Variants in SLC9A9 observed in about 807,000 individuals in gnomAD.
SLC9A9 encodes sodium/hydrogen exchanger 9.
A neutral mutation model predicts 77.8 loss-of-function variants in SLC9A9; 62 were observed. The observed-to-expected ratio is 0.80, with a 90% confidence interval of 0.65 to 0.98. The LOEUF (loss-of-function observed/expected upper bound fraction) is 0.98. SLC9A9 is among the 50% of genes least tolerant of loss of function. The probability of loss-of-function intolerance (pLI) is 0.00; values close to 1 mark genes in which losing one functional copy is unlikely to be tolerated. For synonymous variants in SLC9A9, 320 were observed against 283.5 expected (o/e 1.13, Z -1.29); for missense variants, 775 against 774.9 (o/e 1.00, Z 0.00).
intron 5 of SLC9A9, among the ~76,000 whole-genome samples, chr3:143,685,410 A>G (rs1933231479): frequency 6.6e-6 from 1 of 152,100 alleles, no homozygotes; most frequent in African/African-American, 2.4e-5. Flanking sequence ...TGTTACCTAA[A>G]TCAAGACACC....
chr3:143,407,749 G>A (rs2108517102), intron 12 of SLC9A9, among the ~76,000 whole-genome samples: 1 of 152,278 alleles, frequency 6.6e-6, no homozygotes, highest in East Asian at 1.9e-4. Context: ...GATAGGGAAG[G>A]AGTTTAAATA....
intron 14 of SLC9A9, among the ~76,000 whole-genome samples, chr3:143,295,589 A>G (rs1180095640): frequency 6.6e-6 from 1 of 152,168 alleles, no homozygotes; most frequent in Non-Finnish European, 1.5e-5. Context: ...TTAGAAAAAC[A>G]TTTCTTAAAG....
intron 2 of SLC9A9, among the ~76,000 whole-genome samples, chr3:143,830,033 T>C (rs74392486): frequency 0.015 from 2,321 of 152,254 alleles, 66 homozygotes; most frequent in African/African-American, 0.053. Context: ...CTTATAAGCC[T>C]CCCAAAGGAG....
intron 4 of SLC9A9, among the ~76,000 whole-genome samples, chr3:143,732,845 T>C (rs1052764337): frequency 6.6e-6 from 1 of 152,132 alleles, no homozygotes; most frequent in African/African-American, 2.4e-5. Context: ...GAAATAAAAG[T>C]GGTAAAATAG....
chr3:143,630,036 T>C (rs535227135), intron 6 of SLC9A9, among the ~76,000 whole-genome samples: 1 of 148,998 alleles, frequency 6.7e-6, no homozygotes, highest in African/African-American at 2.4e-5. Context: ...TGAGGCTCAA[T>C]GAAAAAACAA....
At chr3:143,364,540 C>A (rs1229984401) in intron 13 of SLC9A9, among the ~76,000 whole-genome samples, 2 of 152,138 alleles carry the variant, frequency 1.3e-5, no homozygotes, top group Non-Finnish European at 2.9e-5. Context: ...CCACAGCCAG[C>A]CCTTAGATGA....
At chr3:143,734,595 G>A (rs575863649) in intron 4 of SLC9A9, among the ~76,000 whole-genome samples, 7 of 151,894 alleles carry the variant, frequency 4.6e-5, no homozygotes, top group African/African-American at 9.7e-5. Context: ...TTAGCTGGGC[G>A]TTGTGGCAAG....
intron 14 of SLC9A9, among the ~76,000 whole-genome samples, chr3:143,335,393 T>C (rs1424793525): frequency 2.6e-5 from 4 of 152,170 alleles, no homozygotes; most frequent in African/African-American, 4.8e-5. Flanking sequence ...AAAATCCCAA[T>C]GGCATTTTTT....
chr3:143,564,641 C>T (rs1332653956), intron 8 of SLC9A9, among the ~76,000 whole-genome samples: 3 of 151,998 alleles, frequency 2.0e-5, no homozygotes, highest in African/African-American at 7.2e-5. Context: ...TGAAAGTATC[C>T]AACTTTCCAA....
intron 4 of SLC9A9, among the ~76,000 whole-genome samples, chr3:143,707,571 T>C (rs1434590418): frequency 6.6e-6 from 1 of 152,238 alleles, no homozygotes; most frequent in African/African-American, 2.4e-5. Context: ...AATTACTATG[T>C]TCATTGTTCC....
chr3:143,715,107 T>C (rs895736508), intron 4 of SLC9A9, among the ~76,000 whole-genome samples: 22 of 152,194 alleles, frequency 1.4e-4, no homozygotes, highest in African/African-American at 5.1e-4. Context: ...GAACTGCAAG[T>C]CCATTAAACC....
At chr3:143,701,374 T>A (rs987494413) in intron 4 of SLC9A9, among the ~76,000 whole-genome samples, 65 of 152,068 alleles carry the variant, frequency 4.3e-4, no homozygotes, top group Non-Finnish European at 2.9e-4. Flanking sequence ...GAATTCAAAA[T>A]AGCTGTTTTG....
chr3:143,600,418 G>T (rs1241030926), intron 6 of SLC9A9, among the ~76,000 whole-genome samples: 1 of 152,202 alleles, frequency 6.6e-6, no homozygotes, highest in African/African-American at 2.4e-5. Context: ...ATCTTAAAGA[G>T]AAGCAAGAAC....
At chr3:143,341,409 G>A (rs888804773) in intron 14 of SLC9A9, among the ~76,000 whole-genome samples, 6 of 152,272 alleles carry the variant, frequency 3.9e-5, no homozygotes, top group South Asian at 2.1e-4. Flanking sequence ...GAGGGCAAGA[G>A]AGTCATCCCA....
intron 5 of SLC9A9, among the ~76,000 whole-genome samples, chr3:143,679,050 G>A (rs887295924): frequency 6.6e-6 from 1 of 151,722 alleles, no homozygotes; most frequent in African/African-American, 2.4e-5. Context: ...GTGGGAAAGA[G>A]GTGAGGGGGG....
intron 2 of SLC9A9, among the ~76,000 whole-genome samples, chr3:143,810,213 T>C (rs2008827759): frequency 6.6e-6 from 1 of 152,208 alleles, no homozygotes; most frequent in African/African-American, 2.4e-5. Flanking sequence ...ACTTGAACAC[T>C]TCCCAGAGTG....
chr3:143,317,941 A>C (rs964800344), intron 14 of SLC9A9, among the ~76,000 whole-genome samples: 7 of 152,044 alleles, frequency 4.6e-5, no homozygotes, highest in African/African-American at 1.7e-4. Flanking sequence ...GTTAGCCAGG[A>C]TGGTCTCGAT....
chr3:143,280,446 A>C (rs1467180970), intron 14 of SLC9A9, among the ~76,000 whole-genome samples: 3 of 150,714 alleles, frequency 2.0e-5, no homozygotes, highest in African/African-American at 7.5e-5. Context: ...ATAGGGTCAC[A>C]TGTCACAAAT....
chr3:143,773,848 G>A (rs145562700), intron 4 of SLC9A9, among the ~76,000 whole-genome samples: 1 of 152,144 alleles, frequency 6.6e-6, no homozygotes, highest in Non-Finnish European at 1.5e-5. Flanking sequence ...TTAACCATTA[G>A]GTCTCATGAG....
Sources: allele counts gnomAD v4.1 joint callset (sites outside exome capture counted in the v4.1 genomes callset), GRCh38; gene constraint gnomAD v4.1.1; transcripts MANE v1.5; gene names NCBI Gene and HGNC (gene_info 2026-07-23, HGNC 2026-07-21).